Variants in GALNT9 observed in about 807,000 individuals in gnomAD.
GALNT9 encodes GalNAc transferase 9.
GALNT9 carries 47 observed loss-of-function variants against 63.1 expected under a neutral mutation model. The ratio of observed to expected loss-of-function variants is 0.75; its 90% CI spans 0.59 to 0.95. The LOEUF is 0.95. GALNT9 is among the 40% of genes least tolerant of loss of function. The probability of loss-of-function intolerance (pLI) is 0.00; values close to 1 mark genes in which losing one functional copy is unlikely to be tolerated. For missense variants in GALNT9, 829 were observed against 874.8 expected (o/e 0.95, Z 0.66); for synonymous variants, 396 against 365.7 (o/e 1.08, Z -0.94).
rs946974326 is a variant in GALNT9 at position 132,219,693 on chromosome 12, C to T, written c.1078-16003G>A. ...AGGGGCACCTCCCCAGGGTGACACC[C>T]GCCCGGGTAAGGGGAAGGGACACCT... On this transcript the variant is annotated intron_variant, in intron 6 of 10. Coordinates refer to ENST00000328957, the MANE Select transcript of GALNT9 (RefSeq NM_001122636.2). 6.0e-5 allele frequency among the ~76,000 whole-genome samples: 9 copies of T among 151,186 alleles called. 1 individual carries two copies. Among genetic ancestry groups the T allele is most frequent in the Non-Finnish European group, 1.0e-4 (7 of 67,680 alleles).
chr12:132,287,445 G>A (rs1007452623), intron 1 of GALNT9, among the ~76,000 whole-genome samples: 10 of 152,196 alleles, frequency 6.6e-5, no homozygotes, highest in African/African-American at 2.4e-4. Context: ...TGTAACTTGA[G>A]CTGAACACAC....
At chr12:132,305,122 C>T (rs1881534136) in intron 1 of GALNT9, among the ~76,000 whole-genome samples, 3 of 79,712 alleles carry the variant, frequency 3.8e-5, no homozygotes, top group Non-Finnish European at 6.8e-5. Context: ...GACACGCCCT[C>T]ACCCGGGCAC....
At chr12:132,215,475 G>C (rs1391763919) in intron 6 of GALNT9, among the ~76,000 whole-genome samples, 1 of 152,250 alleles carries the variant, frequency 6.6e-6, no homozygotes, top group East Asian at 1.9e-4. Context: ...AGCACAAGCA[G>C]CTCCTCCAGG....
At chr12:132,321,320 G>A (rs560937689) in intron 1 of GALNT9, among the ~76,000 whole-genome samples, 9 of 152,176 alleles carry the variant, frequency 5.9e-5, no homozygotes, top group Admixed American at 2.6e-4. Context: ...TTGGTTTCCC[G>A]TCTGCTAATG....
At chr12:132,308,951 G>A (rs1268559468) in intron 1 of GALNT9, among the ~76,000 whole-genome samples, 1 of 152,220 alleles carries the variant, frequency 6.6e-6, no homozygotes, top group African/African-American at 2.4e-5. Context: ...TGAGAAGGCA[G>A]GAGGCGGCTG....
intron 6 of GALNT9, among the ~76,000 whole-genome samples, chr12:132,241,027 AAC>A (rs1878297848): frequency 2.5e-5 from 2 of 80,886 alleles, no homozygotes; most frequent in African/African-American, 5.1e-5. Context: ...TTACACACAC[AAC>A]ACACACCCTT....
chr12:132,278,037 C>T (rs1481735305), intron 2 of GALNT9: 2 of 111,960 alleles, frequency 1.8e-5, no homozygotes, highest in Non-Finnish European at 3.4e-5. Flanking sequence ...TCTGGTTTTT[C>T]TAAACTCCTC....
chr12:132,266,894 T>G (rs1478279525), intron 2 of GALNT9, among the ~76,000 whole-genome samples: 1 of 152,040 alleles, frequency 6.6e-6, no homozygotes, highest in Non-Finnish European at 1.5e-5. Flanking sequence ...TGTCATTATT[T>G]CCTGCTGTCC....
chr12:132,254,222 A>G (rs1879031539), intron 5 of GALNT9, among the ~76,000 whole-genome samples: 1 of 151,992 alleles, frequency 6.6e-6, no homozygotes, highest in Non-Finnish European at 1.5e-5. Context: ...GGGTTTTGCC[A>G]GGCTAGGAAC....
chr12:132,261,157 T>G (rs1593090672), intron 3 of GALNT9, 35 bp from the exon 4 acceptor site: 1 of 1,545,184 alleles, frequency 6.5e-7, no homozygotes, highest in Non-Finnish European at 8.7e-7. Context: ...CGCTGGCAGG[T>G]GCTGGCAGGC....
intron 5 of GALNT9, among the ~76,000 whole-genome samples, 191 bp downstream of exon 5, chr12:132,257,498 A>C (rs1416736032): frequency 0.015 from 82 of 5,598 alleles, no homozygotes; most frequent in Non-Finnish European, 0.046. Flanking sequence ...CCTCGTCCTC[A>C]TGCCCTCATC....
In GALNT9 at chr12:132,257,680, G is replaced by C; in HGVS notation, c.959+9C>G. 1.3e-6 allele frequency: 2 copies of C among 1,544,558 alleles called. No homozygotes were observed. Among genetic ancestry groups the C allele is most frequent in the Non-Finnish European group, 1.7e-6 (2 of 1,143,254 alleles). On this transcript the variant is annotated intron_variant, in intron 5 of 10. Transcript: ENST00000328957. ...AGGGCCGCCCTCGACCCCTGAGGGCGCAGCTCACCTGATGGGTGCTGACTC... is the reference window on the plus strand; with the variant it reads ...AGGGCCGCCCTCGACCCCTGAGGGCCCAGCTCACCTGATGGGTGCTGACTC...
At chr12:132,323,659 G>A (rs782360961) in intron 1 of GALNT9, among the ~76,000 whole-genome samples, 5 of 152,252 alleles carry the variant, frequency 3.3e-5, no homozygotes, top group Non-Finnish European at 7.3e-5. Flanking sequence ...GAGCCCCAGC[G>A]GACGTCAGAA....
chr12:132,222,325 C>T, intron 6 of GALNT9, among the ~76,000 whole-genome samples: 1 of 152,132 alleles, frequency 6.6e-6, no homozygotes, highest in South Asian at 2.1e-4. Context: ...AGACTGTGGC[C>T]CCAGCACTTG....
intron 6 of GALNT9, among the ~76,000 whole-genome samples, chr12:132,206,756 G>A (rs149526515): frequency 2.6e-4 from 40 of 152,296 alleles, no homozygotes; most frequent in African/African-American, 8.9e-4. Flanking sequence ...GGGAGGAGGA[G>A]CCGAGCCCCC....
intron 6 of GALNT9, chr12:132,205,415 G>A (rs1339086538): frequency 6.6e-6 from 1 of 151,964 alleles, no homozygotes; most frequent in Non-Finnish European, 1.5e-5. Flanking sequence ...GGGGCAGGAG[G>A]GAGCCGCTCC....
Position 132,246,543 on chromosome 12 carries a change from T to C in GALNT9, c.1077+1367A>G, listed in dbSNP as rs1318356442. ...TATTATTTTATTTTATTTTATCATA[T>C]ATTTTTTGAAATGGAGTCTCACTCT... On this transcript the variant is annotated intron_variant, in intron 6 of 10. Coordinates refer to ENST00000328957, the MANE Select transcript of GALNT9 (RefSeq NM_001122636.2). The surrounding 1 kb of genome is among the most constrained non-coding windows in gnomAD (Gnocchi z 4.7). Among the ~76,000 whole-genome samples, 2 of 152,234 alleles carry C rather than the reference T, an allele frequency of 1.3e-5. No homozygotes were observed. The highest frequency in any genetic ancestry group is 1.5e-5 in the Non-Finnish European group (1 of 68,048).
Position 132,257,722 on chromosome 12 carries a change from C to T in GALNT9, c.926G>A (p.Trp309Ter). 6.5e-7 allele frequency: 1 copy of T among 1,550,304 alleles called. No homozygotes were observed. The highest frequency in any genetic ancestry group is 8.7e-7 in the Non-Finnish European group (1 of 1,146,788). The change falls in exon 5 of 11, where the codon TGG becomes TAG. Residue 309 changes from tryptophan to a stop codon, truncating the protein, a stop_gained. Coordinates refer to ENST00000328957, the MANE Select transcript of GALNT9 (RefSeq NM_001122636.2). LOFTEE classifies it high-confidence loss of function. ...WCMYIIPPQD[W>*]LDRGDESAPI... ...TGCTGACTCGTCGCCGCGGTCCAGC[C>T]AGTCCTGCGGGGGGATGATGTACAT...
intron 6 of GALNT9, among the ~76,000 whole-genome samples, chr12:132,230,328 C>T (rs1877844429): frequency 6.6e-6 from 1 of 152,200 alleles, no homozygotes; most frequent in Non-Finnish European, 1.5e-5. Flanking sequence ...AGATTGTGAA[C>T]AAAATGAAAC....
Sources: gnomAD v4.1 joint callset for allele counts (sites outside exome capture counted in the v4.1 genomes callset) on GRCh38, gnomAD v4.1.1 for gene constraint, Gnocchi (gnomAD v3.1) non-coding constraint, MANE v1.5 for transcripts, NCBI Gene and HGNC (gene_info 2026-07-23, HGNC 2026-07-21) for gene names.